LIPA: variants seen among roughly 807,000 people sequenced by gnomAD.
LIPA encodes lysosomal acid lipase/cholesteryl ester hydrolase.
A neutral mutation model predicts 40.6 loss-of-function variants in LIPA; 26 were observed. The observed-to-expected ratio is 0.64, with a 90% CI of 0.47 to 0.89. LIPA has a LOEUF of 0.89. LIPA is among the 40% of genes least tolerant of loss of function. The pLI, the probability that LIPA is intolerant of heterozygous loss-of-function variation, is 0.00. For synonymous variants in LIPA, 188 were observed against 168.4 expected, an observed-to-expected ratio of 1.12 and a Z score of -0.90; for missense variants, 455 against 479.6, an observed-to-expected ratio of 0.95 and a Z score of 0.48.
chr10:89,399,432 T>C (rs950788609), intron 2 of LIPA, among the ~76,000 whole-genome samples: 2 of 152,240 alleles, frequency 1.3e-5, no homozygotes, highest in African/African-American at 4.8e-5. Context: ...GTATCATATC[T>C]AATGAATCAC....
chr10:89,371,174 T>G (rs1389767514), intron 2 of LIPA, among the ~76,000 whole-genome samples: 7 of 152,190 alleles, frequency 4.6e-5, no homozygotes, highest in Non-Finnish European at 1.5e-5. Flanking sequence ...ACAGAACTCA[T>G]ACAGACAGCC....
At position 89,300,255 on chromosome 10, in the gene LIPA, C is replaced by T. The variant is rs1843437139; in HGVS notation, c.-2+42356G>A. ...ACATTGAGAATAGAATAATAGATAC[C>T]AGAGACTGGGAAGGGGGGTGGTGGG... On this transcript the variant is annotated intron_variant, in intron 1 of 5. Transcript: ENST00000282673. Among the ~76,000 whole-genome samples, 6 of 151,958 alleles carry T rather than the reference C, an allele frequency of 3.9e-5. No individual in the cohort carries two copies. In the South Asian group the frequency reaches 1.2e-3, roughly 32 times the overall value.
At chr10:89,217,854 T>C (rs1842647267) in intron 8 of LIPA, among the ~76,000 whole-genome samples, 1 of 152,248 alleles carries the variant, frequency 6.6e-6, no homozygotes. Context: ...CATTTCTTTT[T>C]ACCGGGCGCC....
intron 1 of LIPA, chr10:89,339,237 T>G: frequency 6.2e-7 from 1 of 1,614,200 alleles, no homozygotes; most frequent in South Asian, 1.1e-5. Flanking sequence ...TCTCTACTGA[T>G]GTTTTGAAGC....
chr10:89,398,056 T>G (rs1844370266), intron 2 of LIPA, among the ~76,000 whole-genome samples: 1 of 152,194 alleles, frequency 6.6e-6, no homozygotes, highest in Non-Finnish European at 1.5e-5. Context: ...TCTGTACTCA[T>G]TAAACAATCA....
At chr10:89,366,628 C>T (rs181473813) in intron 2 of LIPA, among the ~76,000 whole-genome samples, 6 of 152,144 alleles carry the variant, frequency 3.9e-5, no homozygotes, top group African/African-American at 1.4e-4. Flanking sequence ...CAGTGAGATA[C>T]TATCTCACAC....
chr10:89,306,332 A>C, intron 1 of LIPA: 1 of 1,614,160 alleles, frequency 6.2e-7, no homozygotes, highest in Non-Finnish European at 8.5e-7. Flanking sequence ...TGTCTGTGAG[A>C]AGTTTTCCAG....
intron 2 of LIPA, among the ~76,000 whole-genome samples, chr10:89,380,200 A>G (rs1259246043): frequency 6.6e-6 from 1 of 152,086 alleles, no homozygotes; most frequent in Non-Finnish European, 1.5e-5. Context: ...GCCTAAGGGG[A>G]ATCTGGACTA....
At chr10:89,384,366 A>T in intron 2 of LIPA, 1 of 1,614,194 alleles carries the variant, frequency 6.2e-7, no homozygotes, top group Non-Finnish European at 8.5e-7. Flanking sequence ...AAACGTATGC[A>T]GAAATAGGCC....
rs1356176965 is a variant in LIPA, at chr10:89,403,112, G to A, written c.61+9679C>T. 3 of 1,614,168 alleles carry A rather than the reference G, an allele frequency of 1.9e-6. No homozygotes were observed. The African/African-American group carries it at 4.0e-5, about 22-fold the overall frequency. On this transcript the variant is annotated intron_variant, in intron 2 of 8. Transcript: ENST00000371837. ...TTGAGTTATTAAAAAAGGCCTTGCA[G>A]GAAACACCCACTTCTGTCTTACTGC...
At chr10:89,398,172 C>A (rs910621073) in intron 2 of LIPA, among the ~76,000 whole-genome samples, 2 of 152,038 alleles carry the variant, frequency 1.3e-5, no homozygotes, top group Non-Finnish European at 2.9e-5. Flanking sequence ...TCTGCAGAGC[C>A]CTGGGGGAGA....
At chr10:89,250,305 G>T (rs1339561093) in intron 1 of LIPA, among the ~76,000 whole-genome samples, 1 of 151,824 alleles carries the variant, frequency 6.6e-6, no homozygotes, top group African/African-American at 2.4e-5. Context: ...GGGTTTCACC[G>T]TGTTAGCCAG....
intron 2 of LIPA, among the ~76,000 whole-genome samples, chr10:89,373,942 C>T (rs954446836): frequency 6.6e-6 from 1 of 152,206 alleles, no homozygotes; most frequent in Non-Finnish European, 1.5e-5. Context: ...ACAAAAAAAT[C>T]ACTTTGGGAT....
chr10:89,265,970 C>A (rs529246493), intron 1 of LIPA, among the ~76,000 whole-genome samples: 1 of 152,296 alleles, frequency 6.6e-6, no homozygotes, highest in South Asian at 2.1e-4. Context: ...AAGTTGCAAT[C>A]AAAATGCATG....
At chr10:89,338,623 A>C in intron 1 of LIPA, 1 of 1,576,076 alleles carries the variant, frequency 6.3e-7, no homozygotes, top group Non-Finnish European at 8.6e-7. Context: ...AGTGCTTGGC[A>C]GTGTACATCA....
At chr10:89,256,367 G>A (rs1843181101), upstream of LIPA, among the ~76,000 whole-genome samples, 1 of 152,204 alleles carries the variant, frequency 6.6e-6, no homozygotes, top group South Asian at 2.1e-4. Flanking sequence ...GGCTGGAGGA[G>A]ATCCCCTATA....
intron 1 of LIPA, among the ~76,000 whole-genome samples, chr10:89,327,514 G>T (rs1843611295): frequency 6.6e-6 from 1 of 152,028 alleles, no homozygotes; most frequent in African/African-American, 2.4e-5. Flanking sequence ...TCATGCCACT[G>T]CATTCCAGCC....
upstream of LIPA, among the ~76,000 whole-genome samples, chr10:89,346,183 T>C (rs1488713363): frequency 1.3e-5 from 2 of 152,216 alleles, no homozygotes; most frequent in Non-Finnish European, 2.9e-5. Flanking sequence ...ACCCTTTTTA[T>C]TTGAAATGAT....
chr10:89,335,382 G>C (rs762764546), intron 1 of LIPA: 1 of 151,994 alleles, frequency 6.6e-6, no homozygotes, highest in Non-Finnish European at 1.5e-5. Context: ...GTGCTTTTCT[G>C]CTTGTCCAAC....
Sources: allele counts gnomAD v4.1 joint callset (sites outside exome capture counted in the v4.1 genomes callset), GRCh38; gene constraint gnomAD v4.1.1; transcripts MANE v1.5; gene names NCBI Gene and HGNC (gene_info 2026-07-23, HGNC 2026-07-21).